CYLD: variants seen among roughly 807,000 people sequenced by gnomAD.
The protein encoded by CYLD is ubiquitin carboxyl-terminal hydrolase CYLD.
CYLD carries 26 observed loss-of-function variants against 104.5 expected under a neutral mutation model. The ratio of observed to expected loss-of-function variants is 0.25; its 90% CI spans 0.18 to 0.35. The LOEUF (loss-of-function observed/expected upper bound fraction) is 0.35. Among genes scored for constraint, CYLD ranks in the 10% least tolerant of loss-of-function variants. The pLI, the probability that CYLD is intolerant of heterozygous loss-of-function variation, is 1.00. For missense variants in CYLD, 703 were observed against 1,136.1 expected, an observed-to-expected ratio of 0.62 and a Z score of 5.48; for synonymous variants, 385 against 399.9, an observed-to-expected ratio of 0.96 and a Z score of 0.45.
At position 50,798,157 on chromosome 16, in the gene CYLD, G is replaced by A. The variant is rs188778402; in HGVS notation, c.*1649G>A. 4.3e-6 allele frequency: 1 copy of A among 231,768 alleles called. No individual in the cohort carries two copies. Among genetic ancestry groups the A allele is most frequent in the East Asian group, 6.1e-5 (1 of 16,420 alleles). 14.4% of individuals were successfully genotyped at this position (231,768 alleles called of 1,614,324 possible). A position where few individuals can be genotyped will look rare whatever the true frequency, so the allele number is the denominator to read the frequency against. On this transcript the variant is annotated 3_prime_UTR_variant, in exon 19 of 19. Coordinates refer to ENST00000427738, the MANE Select transcript of CYLD (RefSeq NM_001378743.1). Reference sequence around the variant, plus strand: ...AGTCCAATCACCCTGTAATAAATATGTGTTGAATGAAGAAATGGGTGAATG... The same window carrying A: ...AGTCCAATCACCCTGTAATAAATATATGTTGAATGAAGAAATGGGTGAATG...
intron 11 of CYLD, 65 bp downstream of exon 11, chr16:50,782,531 TGTGTGTGTGTGCGTGTGA>T: frequency 6.6e-7 from 1 of 1,522,334 alleles, no homozygotes; most frequent in Non-Finnish European, 9.1e-7. Flanking sequence ...TACCGGTGTG[TGTGTGTGTGTGCGTGTGA>T]GTGTGTGTGA....
rs899805003 is a variant in CYLD, at chr16:50,798,181, T to C, written c.*1673T>C. 1 of 232,094 alleles carries C rather than the reference T, an allele frequency of 4.3e-6. No individual in the cohort carries two copies. The highest frequency in any genetic ancestry group is 2.2e-5 in the African/African-American group (1 of 45,298). 14.4% of individuals were successfully genotyped at this position (232,094 alleles called of 1,614,324 possible). A position where few individuals can be genotyped will look rare whatever the true frequency, so the allele number is the denominator to read the frequency against. ...TGTGTTGAATGAAGAAATGGGTGAA[T>C]GAGCTTGTCAATGTGATTTTAAAAA... On this transcript the variant is annotated 3_prime_UTR_variant, in exon 19 of 19. Coordinates refer to ENST00000427738, the MANE Select transcript of CYLD (RefSeq NM_001378743.1).
rs780165987 is a variant in CYLD, at chr16:50,781,320, G to C, written c.1593G>C (p.Ala531=). 6.2e-7 allele frequency: 1 copy of C among 1,613,918 alleles called. No homozygotes were observed. Among genetic ancestry groups the C allele is most frequent in the Non-Finnish European group, 8.5e-7 (1 of 1,179,872 alleles). Residue 531 remains alanine (A), a synonymous_variant, in exon 10 of 19, where the codon GCG becomes GCC. Coordinates refer to ENST00000427738, the MANE Select transcript of CYLD (RefSeq NM_001378743.1). The part of the protein sequence containing the change: ...TRYFTCALKK[A]LFVKLKSCRP... ...ATTTCACCTGTGCCCTGAAGAAGGC[G>C]CTGTTTGTGAAACTGAAGAGCTGCA...
Position 50,794,671 on chromosome 16 carries a change from A to C in CYLD, c.2686+243A>C. 1.2e-5 allele frequency: 6 copies of C among 504,830 alleles called. No individual in the cohort carries two copies. The South Asian group carries it at 1.2e-4, about 10-fold the overall frequency. 31.3% of individuals were successfully genotyped at this position (504,830 alleles called of 1,614,324 possible). A position where few individuals can be genotyped will look rare whatever the true frequency, so the allele number is the denominator to read the frequency against. The stretch of plus-strand genomic sequence containing the variant: ...AGTCTCACTCTGTCACCCAGGCTGG[A>C]GTGCAGCAGCGTGATCTTGGCTCAT... On this transcript the variant is annotated intron_variant, in intron 18 of 18. Coordinates refer to ENST00000427738, the MANE Select transcript of CYLD (RefSeq NM_001378743.1). The surrounding 1 kb of genome is among the most constrained non-coding windows in gnomAD (Gnocchi z 4.1).
chr16:50,787,404 C>G (rs1567453912), intron 13 of CYLD: 1 of 267,940 alleles, frequency 3.7e-6, no homozygotes, highest in Non-Finnish European at 7.2e-6. Flanking sequence ...CACCACCTGA[C>G]TTTGAATTTG....
intron 1 of CYLD, 120 bp from the exon 2 acceptor site, chr16:50,742,642 C>T: frequency 2.6e-6 from 1 of 383,680 alleles, no homozygotes; most frequent in East Asian, 3.7e-5. Flanking sequence ...GCTGTGATTC[C>T]TACCGACCGC....
intron 11 of CYLD, among the ~76,000 whole-genome samples, chr16:50,783,026 G>A (rs967476301): frequency 6.9e-6 from 1 of 145,032 alleles, no homozygotes; most frequent in African/African-American, 2.6e-5. Context: ...CCAGGTTCAA[G>A]CGATTCTCTT....
intron 14 of CYLD, among the ~76,000 whole-genome samples, chr16:50,789,567 T>G (rs1005576703): frequency 2.0e-5 from 3 of 152,112 alleles, no homozygotes; most frequent in African/African-American, 7.2e-5. Flanking sequence ...AAGGGTACAC[T>G]GTCCCCTTCA....
At chr16:50,784,093 G>A (rs906839239) in intron 11 of CYLD, 22 of 454,518 alleles carry the variant, frequency 4.8e-5, no homozygotes, top group Admixed American at 3.4e-4. Flanking sequence ...CCAATCTGCC[G>A]TTTGCTTTCT....
chr16:50,791,374 G>A (rs1971416188), intron 14 of CYLD, among the ~76,000 whole-genome samples, 184 bp from the exon 15 acceptor site: 1 of 152,210 alleles, frequency 6.6e-6, no homozygotes, highest in Non-Finnish European at 1.5e-5. Flanking sequence ...ATAAGGTCTT[G>A]TGCCTGAGCA....
At chr16:50,767,601 A>G (rs1051622772) in intron 5 of CYLD, among the ~76,000 whole-genome samples, 10 of 152,068 alleles carry the variant, frequency 6.6e-5, no homozygotes, top group Non-Finnish European at 1.3e-4. Context: ...ACATTTTACA[A>G]CTGAATGCAA....
chr16:50,784,199 T>C (rs1247873598), intron 11 of CYLD, 130 bp from the exon 12 acceptor site: 20 of 1,028,696 alleles, frequency 1.9e-5, no homozygotes, highest in Non-Finnish European at 2.6e-5. Flanking sequence ...CCTGTGTTAA[T>C]GAAAAACACA....
intron 5 of CYLD, among the ~76,000 whole-genome samples, chr16:50,765,982 G>T (rs1968470833): frequency 6.6e-6 from 1 of 152,220 alleles, no homozygotes; most frequent in Admixed American, 6.5e-5. Flanking sequence ...TGCTGATATA[G>T]AAACTGCTGC....
intron 2 of CYLD, among the ~76,000 whole-genome samples, chr16:50,745,236 A>G (rs1966074426): frequency 6.6e-6 from 1 of 151,760 alleles, no homozygotes; most frequent in South Asian, 2.1e-4. Context: ...GTGACTTTGA[A>G]TTTAGCTGTG....
intron 15 of CYLD, 123 bp from the exon 16 acceptor site, chr16:50,792,474 G>A (rs1971525057): frequency 5.8e-6 from 4 of 692,042 alleles, no homozygotes; most frequent in South Asian, 5.0e-5. Context: ...TGTGGATCCT[G>A]TTTCATAGGA....
Position 50,800,282 on chromosome 16 carries a change from C to G in CYLD, c.*3774C>G, listed in dbSNP as rs546722267. Reference sequence around the variant, plus strand: ...CCTAGGAAATCTGTGAGGGAATCCCCAGGGGAATCTCGTGACCAGCCAGGT... The same window carrying G: ...CCTAGGAAATCTGTGAGGGAATCCCGAGGGGAATCTCGTGACCAGCCAGGT... On this transcript the variant is annotated 3_prime_UTR_variant, in exon 19 of 19. Transcript: ENST00000427738. The G allele has an allele frequency of 4.3e-6, 1 of 233,384 alleles. No homozygotes were observed. The highest frequency in any genetic ancestry group is 8.5e-6 in the Non-Finnish European group (1 of 118,010). 14.5% of individuals were successfully genotyped at this position (233,384 alleles called of 1,614,324 possible). A position where few individuals can be genotyped will look rare whatever the true frequency, so the allele number is the denominator to read the frequency against.
chr16:50,756,133 C>G (rs574008015), intron 5 of CYLD, among the ~76,000 whole-genome samples: 1 of 152,198 alleles, frequency 6.6e-6, no homozygotes, highest in South Asian at 2.1e-4. Flanking sequence ...ATATCCTTTA[C>G]CCTCAAATGA....
rs1971834195 is a variant in CYLD, at chr16:50,794,851, C to T, written c.2686+423C>T. 3.7e-6 allele frequency: 1 copy of T among 272,708 alleles called. No homozygotes were observed. Among genetic ancestry groups the T allele is most frequent in the Non-Finnish European group, 7.2e-6 (1 of 139,666 alleles). 16.9% of individuals were successfully genotyped at this position (272,708 alleles called of 1,614,324 possible). A position where few individuals can be genotyped will look rare whatever the true frequency, so the allele number is the denominator to read the frequency against. ...GCCCAAGCTGGTCTCAAATTCCTGG[C>T]CTCAAGTGATTAACCCTCCTTTTCC... On this transcript the variant is annotated intron_variant, in intron 18 of 18. Coordinates refer to ENST00000427738, the MANE Select transcript of CYLD (RefSeq NM_001378743.1). This position sits in a 1 kb window ranked among gnomAD's most constrained non-coding sequence, Gnocchi z 4.1.
chr16:50,761,746 A>ATATCTATCTACCTATCTATCTATC (rs1967950908), intron 5 of CYLD, among the ~76,000 whole-genome samples: 2 of 149,778 alleles, frequency 1.3e-5, no homozygotes, highest in African/African-American at 5.0e-5. Flanking sequence ...ACATATCTCT[A>ATATCTATCTACCTATCTATCTATC]TATCTATCTA....
Sources: allele counts gnomAD v4.1 joint callset (sites outside exome capture counted in the v4.1 genomes callset), GRCh38; gene constraint gnomAD v4.1.1; non-coding constraint Gnocchi (gnomAD v3.1); transcripts MANE v1.5; gene names NCBI Gene and HGNC (gene_info 2026-07-23, HGNC 2026-07-21).